The following SLC52A3 variants were observed in gnomAD, a reference collection of about 807,000 sequenced individuals.
SLC52A3 encodes the protein solute carrier family 52 member 3.
SLC52A3 carries 20 observed loss-of-function variants against 29.5 expected under a neutral mutation model. The ratio of observed to expected loss-of-function variants is 0.68; its 90% CI spans 0.48 to 0.99. SLC52A3 has a LOEUF of 0.99. Ranked by LOEUF, SLC52A3 falls within the 50% of genes least tolerant of loss-of-function variation. SLC52A3 has a pLI of 0.00. For missense variants in SLC52A3, 548 were observed against 612.9 expected (o/e 0.89, Z 1.12); for synonymous variants, 301 against 271.0 (o/e 1.11, Z -1.09).
At chr20:777,456 T>C (rs1017531994), upstream of SLC52A3, among the ~76,000 whole-genome samples, 5 of 152,162 alleles carry the variant, frequency 3.3e-5, no homozygotes, top group Non-Finnish European at 7.4e-5. Flanking sequence ...TGGCCTCTCA[T>C]TAACTTTACA....
upstream of SLC52A3, among the ~76,000 whole-genome samples, chr20:778,824 C>T (rs1229961485): frequency 6.6e-5 from 10 of 151,838 alleles, no homozygotes; most frequent in African/African-American, 1.2e-4. Flanking sequence ...AGGTGATCTG[C>T]CTGCCTTGGT....
At chr20:779,225 A>G (rs575974352), upstream of SLC52A3, among the ~76,000 whole-genome samples, 11 of 152,376 alleles carry the variant, frequency 7.2e-5, no homozygotes, top group South Asian at 2.1e-3. Context: ...TTTAAAAAGA[A>G]GGATGTTTAC....
chr20:766,211 A>AG (rs5839881), intron 1 of SLC52A3: 152,278 of 182,908 alleles, frequency 0.83, 64,798 homozygotes, highest in East Asian at 0.92. Context: ...CTGGGATTAC[A>AG]GTGTGAGCCA....
chr20:763,173 G>C (rs577728289), intron 3 of SLC52A3, among the ~76,000 whole-genome samples: 1 of 152,354 alleles, frequency 6.6e-6, no homozygotes, highest in Admixed American at 6.5e-5. Flanking sequence ...TGATGACAAT[G>C]ATGGTCAACG....
At chr20:768,013 C>A (rs1986740626) in intron 1 of SLC52A3, among the ~76,000 whole-genome samples, 1 of 152,188 alleles carries the variant, frequency 6.6e-6, no homozygotes, top group Admixed American at 6.5e-5. Flanking sequence ...TGACCCTGGG[C>A]AAGTGGCTTT....
Position 765,979 on chromosome 20 carries a change from C to T in SLC52A3, c.-51-154G>A. On this transcript the variant is annotated intron_variant, in intron 1 of 4. Coordinates refer to ENST00000645534, the MANE Select transcript of SLC52A3 (RefSeq NM_033409.4). This position sits in a 1 kb window ranked among gnomAD's most constrained non-coding sequence, Gnocchi z 6.6. ...TGAGACATAGTTTCACTCTTTTAGTCCAGGCTGGAGTGCAATGGGATGATC... is the reference window on the plus strand; with the variant it reads ...TGAGACATAGTTTCACTCTTTTAGTTCAGGCTGGAGTGCAATGGGATGATC... 1 of 597,414 alleles carries T rather than the reference C, an allele frequency of 1.7e-6. No homozygotes were observed. Among genetic ancestry groups the T allele is most frequent in the South Asian group, 2.0e-5 (1 of 49,216 alleles). 37.0% of individuals were successfully genotyped at this position (597,414 alleles called of 1,614,324 possible). A position where few individuals can be genotyped will look rare whatever the true frequency, so the allele number is the denominator to read the frequency against.
chr20:776,865 G>C (rs529513442), upstream of SLC52A3, among the ~76,000 whole-genome samples: 25 of 151,144 alleles, frequency 1.7e-4, no homozygotes, highest in African/African-American at 4.4e-4. Context: ...TTGGGGGGGG[G>C]GCCACAGGAG....
In SLC52A3 at chr20:760,768, C is replaced by G. The variant is rs1419608842; in HGVS notation, c.*258G>C. On this transcript the variant is annotated 3_prime_UTR_variant, in exon 5 of 5. Transcript: ENST00000645534. The surrounding 1 kb of genome is among the most constrained non-coding windows in gnomAD (Gnocchi z 4.9). ...CCTTGGGCCTGCCTCCAGCTAGATG[C>G]TGCAAATCAGTCCTCTCTTGAGAGT... The G allele has an allele frequency of 4.8e-5, 26 of 546,238 alleles. No homozygotes were observed. The highest frequency in any genetic ancestry group is 8.2e-5 in the Non-Finnish European group (25 of 306,698). The allele number at this position is 546,238 out of a possible 1,614,324, so 33.8% of individuals were successfully genotyped here. A position where few individuals can be genotyped will look rare whatever the true frequency, so the allele number is the denominator to read the frequency against.
At chr20:768,871 T>G (rs1986769069), upstream of SLC52A3, among the ~76,000 whole-genome samples, 1 of 152,196 alleles carries the variant, frequency 6.6e-6, no homozygotes. Context: ...CCTTTGCCTG[T>G]GCTGTCCTCC....
intron 1 of SLC52A3, among the ~76,000 whole-genome samples, chr20:773,507 G>A (rs542559522): frequency 1.9e-3 from 282 of 152,240 alleles, no homozygotes; most frequent in Middle Eastern, 3.4e-3. Context: ...GGTTCTGAAG[G>A]GGCCATGGGG....
At chr20:767,665 A>G (rs1344426595) in intron 1 of SLC52A3, among the ~76,000 whole-genome samples, 6 of 152,126 alleles carry the variant, frequency 3.9e-5, no homozygotes, top group African/African-American at 9.7e-5. Context: ...CTGCCTCTGT[A>G]TATCTTTTAA....
rs992378158 is a variant in SLC52A3 at position 761,361 on chromosome 20, C to CT, written c.1198-124dup. Reference sequence around the variant, plus strand: ...ACTCTCTAGGTGCGAGGAGCGCCTTCTGGGAGTGAGCCTGCGGGGCCGACG... The same window carrying CT: ...ACTCTCTAGGTGCGAGGAGCGCCTTCTTGGGAGTGAGCCTGCGGGGCCGACG... On this transcript the variant is annotated intron_variant, in intron 4 of 4. Transcript: ENST00000645534. 4.9e-5 allele frequency: 57 copies of CT among 1,154,690 alleles called. No individual in the cohort carries two copies. The African/African-American group carries it at 8.0e-4, about 16-fold the overall frequency. 71.5% of individuals were successfully genotyped at this position (1,154,690 alleles called of 1,614,324 possible). A position where few individuals can be genotyped will look rare whatever the true frequency, so the allele number is the denominator to read the frequency against.
upstream of SLC52A3, among the ~76,000 whole-genome samples, chr20:772,998 C>T (rs377299770): frequency 5.9e-5 from 9 of 152,144 alleles, no homozygotes; most frequent in South Asian, 4.1e-4. Flanking sequence ...GCCGCAGCAG[C>T]GGGAGCCAGG....
chr20:761,017 G>A lies in SLC52A3; in HGVS notation c.*9C>T. ...TCCGTGAGCGATGGGGGCGGGGTCG[G>A]CGGCCTGCCTAGGCTGGACAGTGCA... On this transcript the variant is annotated 3_prime_UTR_variant, in exon 5 of 5. Transcript: ENST00000645534. 3.8e-6 allele frequency: 6 copies of A among 1,594,042 alleles called. No homozygotes were observed. Among genetic ancestry groups the A allele is most frequent in the Non-Finnish European group, 5.1e-6 (6 of 1,171,868 alleles).
chr20:760,593 G>T lies in SLC52A3; in HGVS notation c.*433C>A. On this transcript the variant is annotated 3_prime_UTR_variant, in exon 5 of 5. Transcript: ENST00000645534. The surrounding 1 kb of genome is among the most constrained non-coding windows in gnomAD (Gnocchi z 4.9). ...TTGATGCGGGCTGCTTTTTCCTTTT[G>T]CCTCCGTGCCATGCCTGTGAGGTAG... The T allele has an allele frequency of 5.4e-6, 1 of 184,424 alleles. No homozygotes were observed. Among genetic ancestry groups the T allele is most frequent in the Middle Eastern group, 2.6e-3 (1 of 386 alleles). 11.4% of individuals were successfully genotyped at this position (184,424 alleles called of 1,614,324 possible). A position where few individuals can be genotyped will look rare whatever the true frequency, so the allele number is the denominator to read the frequency against.
Position 761,593 on chromosome 20 carries a change from G to A in SLC52A3, c.1197+108C>T, listed in dbSNP as rs3746801. The A allele has an allele frequency of 0.53, 806,655 of 1,521,002 alleles. 217,459 individuals carry two copies. The highest frequency in any genetic ancestry group is 0.66 in the South Asian group (55,202 of 83,954). The allele number at this position is 1,521,002 out of a possible 1,614,324, so 94.2% of individuals were successfully genotyped here. A position where few individuals can be genotyped will look rare whatever the true frequency, so the allele number is the denominator to read the frequency against. ...TCCCCCACCTGGGGCTTCCCGGGAG[G>A]GTCCCACAGACCCCGCTCGCTGGAA... On this transcript the variant is annotated intron_variant, in intron 4 of 4. Transcript: ENST00000645534.
In SLC52A3 at chr20:765,095, T is replaced by C; in HGVS notation, c.567+113A>G. 5 of 1,217,274 alleles carry C rather than the reference T, an allele frequency of 4.1e-6. No homozygotes were observed. The highest frequency in any genetic ancestry group is 4.8e-6 in the Non-Finnish European group (4 of 839,542). The allele number at this position is 1,217,274 out of a possible 1,614,324, so 75.4% of individuals were successfully genotyped here. On this transcript the variant is annotated intron_variant, in intron 2 of 4. Transcript: ENST00000645534. The surrounding 1 kb of genome is among the most constrained non-coding windows in gnomAD (Gnocchi z 6.6). ...CTGCTGTTGATCTGCCTTATGTCAG[T>C]TTAACTCATAGGCCGACCAAAGAAC...
chr20:775,643 TC>T (rs1422556412), intron 1 of SLC52A3, among the ~76,000 whole-genome samples: 8 of 152,122 alleles, frequency 5.3e-5, no homozygotes, highest in Non-Finnish European at 1.5e-5. Context: ...GCTCAGCCTG[TC>T]CCGACTCCAA....
chr20:761,587 C>G (rs970030131), intron 4 of SLC52A3, 114 bp downstream of exon 4: 68 of 1,510,386 alleles, frequency 4.5e-5, no homozygotes, highest in Non-Finnish European at 9.0e-7. Context: ...TGGGGCTTCC[C>G]GGGAGGGTCC....
Sources: gnomAD v4.1 joint callset for allele counts (sites outside exome capture counted in the v4.1 genomes callset) on GRCh38, gnomAD v4.1.1 for gene constraint, Gnocchi (gnomAD v3.1) non-coding constraint, MANE v1.5 for transcripts, NCBI Gene and HGNC (gene_info 2026-07-23, HGNC 2026-07-21) for gene names.